The following ZSCAN25 variants were observed in gnomAD, a reference collection of about 807,000 sequenced individuals.
The protein encoded by ZSCAN25 is zinc finger and SCAN domain containing 25, also known as zinc finger and SCAN domain-containing protein 25.
A neutral mutation model predicts 38.7 loss-of-function variants in ZSCAN25; 27 were observed. The ratio of observed to expected loss-of-function variants is 0.70; its 90% CI spans 0.51 to 0.96. ZSCAN25 has a LOEUF of 0.96. Among genes scored for constraint, ZSCAN25 ranks in the 40% least tolerant of loss-of-function variants. ZSCAN25 has a pLI of 0.00. For synonymous variants in ZSCAN25, 273 were observed against 277.7 expected, an observed-to-expected ratio of 0.98 and a Z score of 0.17; for missense variants, 637 against 705.9, an observed-to-expected ratio of 0.90 and a Z score of 1.11.
the ZSCAN25 span, chr7:99,663,489 A>C: frequency 1.0e-6 from 1 of 989,986 alleles, no homozygotes; most frequent in Non-Finnish European, 1.2e-6. Flanking sequence ...ACCCCTGTTC[A>C]CTCCAGGCTG....
the ZSCAN25 span, among the ~76,000 whole-genome samples, chr7:99,707,152 A>G: frequency 6.6e-6 from 1 of 152,198 alleles, no homozygotes; most frequent in East Asian, 1.9e-4. Context: ...CAGAGTTATA[A>G]TTGAGTTGAA....
the ZSCAN25 span, among the ~76,000 whole-genome samples, chr7:99,724,055 G>A: frequency 6.6e-6 from 1 of 152,056 alleles, no homozygotes; most frequent in Non-Finnish European, 1.5e-5. Flanking sequence ...CCTTCCCTGG[G>A]TGGCAAGCAC....
chr7:99,662,903 T>G, the ZSCAN25 span: 1 of 1,613,260 alleles, frequency 6.2e-7, no homozygotes. The surrounding 1 kb of genome is among the most constrained non-coding windows in gnomAD (Gnocchi z 4.3). Context: ...AAGGAGAGAT[T>G]TCTTTGGCAG....
At chr7:99,622,072 G>A (rs1282046457) in intron 5 of ZSCAN25, 2 of 170,780 alleles carry the variant, frequency 1.2e-5, no homozygotes, top group African/African-American at 2.4e-5. Flanking sequence ...CTACAGGCAT[G>A]TGCCACCATG....
the ZSCAN25 span, chr7:99,685,246 T>C: frequency 6.2e-7 from 1 of 1,613,322 alleles, no homozygotes; most frequent in East Asian, 2.2e-5. Context: ...CTGCAACAGT[T>C]AAACAAGCAT....
the ZSCAN25 span, chr7:99,716,054 C>A: frequency 1.3e-6 from 2 of 1,495,664 alleles, no homozygotes; most frequent in Non-Finnish European, 1.8e-6. Flanking sequence ...TCCCATCACA[C>A]TCCCTCAGAA....
At chr7:99,618,486 G>A (rs1806661166) in intron 1 of ZSCAN25, 39 bp from the exon 2 acceptor site, 1 of 152,162 alleles carries the variant, frequency 6.6e-6, no homozygotes, top group Admixed American at 6.5e-5. Context: ...TAGGTCATTT[G>A]TCATAATGGT....
chr7:99,653,682 G>A, the ZSCAN25 span, among the ~76,000 whole-genome samples: 19 of 152,272 alleles, frequency 1.2e-4, no homozygotes, highest in East Asian at 9.6e-4. This position sits in a 1 kb window ranked among gnomAD's most constrained non-coding sequence, Gnocchi z 4.2. Context: ...AGGACTGGAT[G>A]TAAATGTCCC....
the ZSCAN25 span, chr7:99,695,667 G>A: frequency 8.2e-7 from 1 of 1,215,936 alleles, no homozygotes; most frequent in South Asian, 1.3e-5. Flanking sequence ...TTCCTCCTGA[G>A]GAGAAGCAGT....
At chr7:99,698,265 G>A in the ZSCAN25 span, among the ~76,000 whole-genome samples, 4 of 152,170 alleles carry the variant, frequency 2.6e-5, no homozygotes, top group African/African-American at 4.8e-5. Context: ...TGTAGTGACC[G>A]CCCCACAACA....
At chr7:99,709,023 G>T in the ZSCAN25 span, 1 of 1,613,842 alleles carries the variant, frequency 6.2e-7, no homozygotes, top group Admixed American at 1.7e-5. Context: ...TCCCTTCCCA[G>T]GGGCCTCCTA....
chr7:99,654,441 A>G, the ZSCAN25 span, among the ~76,000 whole-genome samples: 2 of 152,206 alleles, frequency 1.3e-5, no homozygotes, highest in Non-Finnish European at 2.9e-5. Flanking sequence ...ATAGCATTCC[A>G]TGGTGTATAT....
At chr7:99,723,565 C>T in the ZSCAN25 span, among the ~76,000 whole-genome samples, 3 of 152,234 alleles carry the variant, frequency 2.0e-5, no homozygotes, top group Admixed American at 6.5e-5. Flanking sequence ...TTCACATGGA[C>T]GCAAATGACA....
At chr7:99,695,451 G>A in the ZSCAN25 span, among the ~76,000 whole-genome samples, 2 of 152,038 alleles carry the variant, frequency 1.3e-5, no homozygotes, top group Non-Finnish European at 2.9e-5. Flanking sequence ...AACCTACATG[G>A]GGCAAAAGAA....
the ZSCAN25 span, chr7:99,679,709 C>T: frequency 1.1e-6 from 1 of 941,938 alleles, no homozygotes; most frequent in Non-Finnish European, 1.7e-6. Context: ...GCGTCCAACA[C>T]TTCAGCTACT....
At chr7:99,695,756 G>C in the ZSCAN25 span, 1 of 1,613,472 alleles carries the variant, frequency 6.2e-7, no homozygotes, top group Admixed American at 1.7e-5. Context: ...CTGATGGTAG[G>C]ACAAAGTAGT....
chr7:99,720,176 T>G, the ZSCAN25 span: 1 of 1,034,144 alleles, frequency 9.7e-7, no homozygotes. Flanking sequence ...GATGTTACCA[T>G]GGGGGATGGG....
At chr7:99,634,091 C>T (rs180991424), downstream of ZSCAN25, among the ~76,000 whole-genome samples, 12 of 152,280 alleles carry the variant, frequency 7.9e-5, no homozygotes, top group East Asian at 1.4e-3. Flanking sequence ...ATGCTGTACA[C>T]CTTCAGTGTC....
the ZSCAN25 span, among the ~76,000 whole-genome samples, chr7:99,732,872 C>T: frequency 3.3e-5 from 5 of 151,960 alleles, no homozygotes; most frequent in East Asian, 9.6e-4. Context: ...ATGGAGTATT[C>T]CACATAAGTA....
Sources: allele counts gnomAD v4.1 joint callset (sites outside exome capture counted in the v4.1 genomes callset), GRCh38; gene constraint gnomAD v4.1.1; non-coding constraint Gnocchi (gnomAD v3.1); transcripts MANE v1.5; gene names NCBI Gene and HGNC (gene_info 2026-07-23, HGNC 2026-07-21).